CRK: variants seen among roughly 807,000 people sequenced by gnomAD.
The protein encoded by CRK is adapter molecule crk.
Under a neutral mutation model 29.8 loss-of-function variants are expected in CRK, and 4 were observed. The ratio of observed to expected loss-of-function variants is 0.13; its 90% CI spans 0.07 to 0.31. The LOEUF (loss-of-function observed/expected upper bound fraction) is 0.31, where lower values mean the gene tolerates loss of function less well. Ranked by LOEUF, CRK falls within the 10% of genes least tolerant of loss-of-function variation. The pLI is 1.00. For missense variants in CRK, 274 were observed against 396.5 expected (o/e 0.69, Z 2.62); for synonymous variants, 153 against 164.9 (o/e 0.93, Z 0.55).
intron 2 of CRK, chr17:1,424,783 G>A (rs2073761784): frequency 1.3e-5 from 2 of 152,300 alleles, no homozygotes; most frequent in Middle Eastern, 3.4e-3. Context: ...CCTGACACAG[G>A]TGGATGGATT....
At chr17:1,455,163 G>A (rs2074046237) in intron 1 of CRK, among the ~76,000 whole-genome samples, 1 of 152,136 alleles carries the variant, frequency 6.6e-6, no homozygotes, top group Non-Finnish European at 1.5e-5. Context: ...ACTCTCTAAC[G>A]GCGGACAGTC....
intron 1 of CRK, among the ~76,000 whole-genome samples, chr17:1,445,358 C>G (rs114261888): frequency 2.6e-5 from 4 of 152,132 alleles, no homozygotes; most frequent in Non-Finnish European, 2.9e-5. Flanking sequence ...CAGCTTAAAA[C>G]AGTGAACAGC....
In CRK at chr17:1,436,574, G is replaced by C. The variant is rs778384328; in HGVS notation, c.777+46C>G. On this transcript the variant is annotated intron_variant, in intron 2 of 2. Transcript: ENST00000300574. ...CAAAGCTCTAAGAGGACCGAGAGGA[G>C]ACCCTGCAGCAGATCTCTTCTTTCT... 2.6e-6 allele frequency: 4 copies of C among 1,541,422 alleles called. No homozygotes were observed. In the South Asian group the frequency reaches 3.9e-5, roughly 15 times the overall value.
intron 1 of CRK, among the ~76,000 whole-genome samples, chr17:1,450,527 A>G (rs1292540283): frequency 6.6e-6 from 1 of 151,936 alleles, no homozygotes; most frequent in African/African-American, 2.4e-5. Context: ...AAGAAAAAAA[A>G]CACATAAAAA....
intron 1 of CRK, among the ~76,000 whole-genome samples, chr17:1,439,873 T>C (rs1004832309): frequency 1.6e-4 from 25 of 151,622 alleles, no homozygotes; most frequent in African/African-American, 6.1e-4. Context: ...ATGAATTTTG[T>C]TGGGCGTGGT....
chr17:1,450,611 G>A (rs1012122162), intron 1 of CRK, among the ~76,000 whole-genome samples: 1 of 152,154 alleles, frequency 6.6e-6, no homozygotes, highest in Admixed American at 6.6e-5. Flanking sequence ...GGCTAGATGC[G>A]ATGGCTCACA....
chr17:1,427,332 G>A (rs865838398), intron 2 of CRK, among the ~76,000 whole-genome samples: 30 of 150,276 alleles, frequency 2.0e-4, no homozygotes, highest in African/African-American at 6.8e-4. Context: ...GGTGGCTCAC[G>A]CCTGTAATCC....
intron 1 of CRK, among the ~76,000 whole-genome samples, chr17:1,437,625 C>CAG (rs1445289334): frequency 6.6e-6 from 1 of 151,684 alleles, no homozygotes; most frequent in African/African-American, 2.4e-5. Flanking sequence ...ACCCCATTTA[C>CAG]AGAGCAGTGT....
At chr17:1,446,615 G>A (rs1257056062) in intron 1 of CRK, among the ~76,000 whole-genome samples, 2 of 142,360 alleles carry the variant, frequency 1.4e-5, no homozygotes, top group Non-Finnish European at 1.5e-5. Flanking sequence ...TTTTTGAGGC[G>A]GAGTCTCGCT....
intron 2 of CRK, among the ~76,000 whole-genome samples, chr17:1,435,056 CT>C (rs1203409019): frequency 6.6e-6 from 1 of 151,956 alleles, no homozygotes; most frequent in African/African-American, 2.4e-5. Flanking sequence ...TGTTCCATGG[CT>C]TTTTTTCTTT....
chr17:1,421,261 G>T lies in CRK; in HGVS notation c.*2252C>A, dbSNP rs1457515952. On this transcript the variant is annotated 3_prime_UTR_variant, in exon 3 of 3. Transcript: ENST00000300574. ...CCACTGATATTACATATGATGAAAA[G>T]AGACATTACAAGCCAATATCAAAGT... The T allele has an allele frequency of 6.8e-6, 1 of 147,706 alleles. No individual in the cohort carries two copies. Among genetic ancestry groups the T allele is most frequent in the East Asian group, 2.0e-4 (1 of 5,110 alleles). 9.1% of individuals were successfully genotyped at this position (147,706 alleles called of 1,614,324 possible). A position where few individuals can be genotyped will look rare whatever the true frequency, so the allele number is the denominator to read the frequency against.
At chr17:1,428,894 G>A (rs960536209) in intron 2 of CRK, among the ~76,000 whole-genome samples, 6 of 143,062 alleles carry the variant, frequency 4.2e-5, no homozygotes, top group Non-Finnish European at 7.7e-5. Flanking sequence ...CACCCAGGCT[G>A]GAGTCCAGTG....
At chr17:1,444,555 T>C (rs1396481516) in intron 1 of CRK, among the ~76,000 whole-genome samples, 2 of 123,036 alleles carry the variant, frequency 1.6e-5, no homozygotes, top group Admixed American at 1.9e-4. Flanking sequence ...CTGGGCGTGG[T>C]GGCTCAGGCC....
rs2074032010 is a variant in CRK at position 1,453,219 on chromosome 17, C to T, written c.241+2658G>A. Among the ~76,000 whole-genome samples, 3 of 152,344 alleles carry T rather than the reference C, an allele frequency of 2.0e-5. 1 individual carries two copies. The South Asian group carries it at 6.2e-4, about 32-fold the overall frequency. On this transcript the variant is annotated intron_variant, in intron 1 of 2. Coordinates refer to ENST00000300574, the MANE Select transcript of CRK (RefSeq NM_016823.4). ...CCCATCCATAAACTTTGGCAATCTT[C>T]ACCGTCTTTCCTCAGCCAAGGAACT...
intron 2 of CRK, among the ~76,000 whole-genome samples, chr17:1,425,137 T>C (rs1229114025): frequency 1.3e-5 from 2 of 151,920 alleles, no homozygotes; most frequent in Non-Finnish European, 2.9e-5. Context: ...TTGCCCAGGC[T>C]GGAGTGCAGT....
intron 2 of CRK, chr17:1,424,792 T>C (rs1024165612): frequency 6.6e-5 from 10 of 152,068 alleles, no homozygotes; most frequent in African/African-American, 2.4e-4. Flanking sequence ...GGTGGATGGA[T>C]TGCTTCAGCT....
intron 2 of CRK, among the ~76,000 whole-genome samples, chr17:1,436,225 G>C (rs1327166287): frequency 6.6e-6 from 1 of 152,078 alleles, no homozygotes; most frequent in Admixed American, 6.6e-5. Flanking sequence ...TTCCATTTAA[G>C]TGCTTTGATA....
rs375778440 is a variant in CRK, at chr17:1,436,722, G to A, written c.675C>T (p.Ser225=). The A allele has an allele frequency of 4.4e-6, 7 of 1,607,170 alleles. No homozygotes were observed. Among genetic ancestry groups the A allele is most frequent in the Non-Finnish European group, 5.1e-6 (6 of 1,177,248 alleles). The stretch of plus-strand genomic sequence containing the variant: ...GGAGGTTAGGGAGCGGAGTGTTGAC[G>A]CTGGGTTGGGCATAGGGCCCAGGCT... ...GPEPGPYAQP[S]VNTPLPNLQN... Residue 225 remains serine, a synonymous_variant, in exon 2 of 3, where the codon AGC becomes AGT. Coordinates refer to ENST00000300574, the MANE Select transcript of CRK (RefSeq NM_016823.4).
In CRK at chr17:1,423,199, G is replaced by T; in HGVS notation, c.*314C>A. 2.0e-6 allele frequency: 1 copy of T among 489,764 alleles called. No homozygotes were observed. Among genetic ancestry groups the T allele is most frequent in the South Asian group, 3.9e-5 (1 of 25,388 alleles). 30.3% of individuals were successfully genotyped at this position (489,764 alleles called of 1,614,324 possible). Reference sequence around the variant, plus strand: ...TGTGTAACACTCCTTCCTGTCCATCGGTTTTCCACAGGGTGATTTGCACTG... The same window carrying T: ...TGTGTAACACTCCTTCCTGTCCATCTGTTTTCCACAGGGTGATTTGCACTG... On this transcript the variant is annotated 3_prime_UTR_variant, in exon 3 of 3. Transcript: ENST00000300574.
Sources: allele counts gnomAD v4.1 joint callset (sites outside exome capture counted in the v4.1 genomes callset), GRCh38; gene constraint gnomAD v4.1.1; transcripts MANE v1.5; gene names NCBI Gene and HGNC (gene_info 2026-07-23, HGNC 2026-07-21).